Variants in BTN2A2 observed in about 807,000 individuals in gnomAD.
The protein encoded by BTN2A2 is butyrophilin 2.
In BTN2A2, 29 loss-of-function variants were observed where a neutral mutation model predicts 34.7. The observed-to-expected ratio is 0.84, with a 90% CI of 0.62 to 1.14. BTN2A2 has a LOEUF of 1.14. Among genes scored for constraint, BTN2A2 ranks in the 50% most tolerant of loss-of-function variants. The pLI, the probability that BTN2A2 is intolerant of heterozygous loss-of-function variation, is 0.00. For missense variants in BTN2A2, 612 were observed against 651.5 expected, an observed-to-expected ratio of 0.94 and a Z score of 0.66; for synonymous variants, 240 against 253.1, an observed-to-expected ratio of 0.95 and a Z score of 0.49.
chr6:26,385,353 G>A lies in BTN2A2; in HGVS notation c.433G>A (p.Val145Met), dbSNP rs774406277. ...RSYDEAILRL[V>M]VAGLGSKPLI... is the part of the protein sequence containing the mutation. ...CTACGATGAGGCCATCCTACGCCTC[G>A]TGGTGGCAGGTGCATCACTTCATTT... is the stretch of plus-strand genomic sequence containing the variant. The change falls in exon 3 of 8, where the codon GTG (valine) becomes ATG (methionine). Residue 145 changes from valine to methionine, a missense_variant. Physicochemically the swap from Val to Met is conservative, Grantham distance 21 (BLOSUM62 1). Transcript: ENST00000356709. 5 of 1,612,186 alleles carry A rather than the reference G, an allele frequency of 3.1e-6. No homozygotes were observed. Among genetic ancestry groups the A allele is most frequent in the African/African-American group, 1.3e-5 (1 of 74,978 alleles).
chr6:26,392,673 A>G lies in BTN2A2; in HGVS notation c.1278A>G (p.Gln426=), dbSNP rs1191263635. Residue 426 remains glutamine (Q), a synonymous_variant, in exon 8 of 8, where the codon CAA becomes CAG. Transcript: ENST00000356709. ...GGACCCTGGAGATGTTTGGAAACCA[A>G]TACCGGGCCCTGTCCTCCCCTGAGA... The part of the protein sequence containing the change: ...GFWTLEMFGN[Q]YRALSSPERI... The G allele has an allele frequency of 3.7e-6, 6 of 1,613,258 alleles. No individual in the cohort carries two copies. Among genetic ancestry groups the G allele is most frequent in the Admixed American group, 1.7e-5 (1 of 60,010 alleles).
chr6:26,384,156 T>C lies in BTN2A2; in HGVS notation c.94+241T>C, dbSNP rs1028438188. ...AACTTTTTATTTATTTGTTTATTTA[T>C]TTAAGAGAGAGTATATTGCTCTGTT... On this transcript the variant is annotated intron_variant, in intron 2 of 7. Transcript: ENST00000356709. This position sits in a 1 kb window ranked among gnomAD's most constrained non-coding sequence, Gnocchi z 4.0. 6.6e-6 allele frequency among the ~76,000 whole-genome samples: 1 copy of C among 152,214 alleles called. No homozygotes were observed. Among genetic ancestry groups the C allele is most frequent in the African/African-American group, 2.4e-5 (1 of 41,434 alleles).
chr6:26,393,513 A>T lies in BTN2A2; in HGVS notation c.*546A>T. On this transcript the variant is annotated 3_prime_UTR_variant, in exon 8 of 8. Transcript: ENST00000356709. The stretch of plus-strand genomic sequence containing the variant: ...CATAAGAGCTAAAGGGTCCTGGGAG[A>T]TGATGGCTCATTTCCACCCAACCCC... The T allele has an allele frequency of 9.8e-7, 1 of 1,017,636 alleles. No individual in the cohort carries two copies. 63.0% of individuals were successfully genotyped at this position (1,017,636 alleles called of 1,614,324 possible).
At position 26,383,685 on chromosome 6, in the gene BTN2A2, G is replaced by A. The variant is rs1178490934; in HGVS notation, c.-30-107G>A. ...AGCCTTGAGATGCAAGCGACTCCCAGAAGTTGGGGCACCGATGAGACCTAC... is the reference window on the plus strand; with the variant it reads ...AGCCTTGAGATGCAAGCGACTCCCAAAAGTTGGGGCACCGATGAGACCTAC... On this transcript the variant is annotated intron_variant, in intron 1 of 7. Transcript: ENST00000356709. The surrounding 1 kb of genome is among the most constrained non-coding windows in gnomAD (Gnocchi z 4.4). 1 of 807,632 alleles carries A rather than the reference G, an allele frequency of 1.2e-6. No individual in the cohort carries two copies. The highest frequency in any genetic ancestry group is 1.7e-5 in the African/African-American group (1 of 58,114). The allele number at this position is 807,632 out of a possible 1,614,324, so 50.0% of individuals were successfully genotyped here.
intron 4 of BTN2A2, among the ~76,000 whole-genome samples, chr6:26,389,609 T>G (rs1761440707): frequency 1.3e-5 from 2 of 152,140 alleles, no homozygotes; most frequent in Admixed American, 1.3e-4. Flanking sequence ...TTTGAGCAAA[T>G]AATTAACATG....
In BTN2A2 at chr6:26,393,366, A is replaced by T; in HGVS notation, c.*399A>T. 8.6e-7 allele frequency: 1 copy of T among 1,167,896 alleles called. No homozygotes were observed. The highest frequency in any genetic ancestry group is 1.1e-6 in the Non-Finnish European group (1 of 935,842). 72.3% of individuals were successfully genotyped at this position (1,167,896 alleles called of 1,614,324 possible). On this transcript the variant is annotated 3_prime_UTR_variant, in exon 8 of 8. Coordinates refer to ENST00000356709, the MANE Select transcript of BTN2A2 (RefSeq NM_006995.5). ...CCAACAGGGTTCACCAGGATGAGAG[A>T]GGAGAGAGGAATCCACAGGACCACC...
In BTN2A2 at chr6:26,393,380, C is replaced by T; in HGVS notation, c.*413C>T. 1.7e-6 allele frequency: 2 copies of T among 1,148,694 alleles called. No individual in the cohort carries two copies. Among genetic ancestry groups the T allele is most frequent in the Non-Finnish European group, 2.2e-6 (2 of 925,352 alleles). The allele number at this position is 1,148,694 out of a possible 1,614,324, so 71.2% of individuals were successfully genotyped here. A position where few individuals can be genotyped will look rare whatever the true frequency, so the allele number is the denominator to read the frequency against. On this transcript the variant is annotated 3_prime_UTR_variant, in exon 8 of 8. Transcript: ENST00000356709. ...CAGGATGAGAGAGGAGAGAGGAATC[C>T]ACAGGACCACCAGAAGGGAGAGGGA...
In BTN2A2 at chr6:26,385,331, C is replaced by T. The variant is rs552051206; in HGVS notation, c.411C>T (p.Tyr137=). ...GTTACTTCCAAGAAGGCAGGTCCTACGATGAGGCCATCCTACGCCTCGTGG... is the reference window on the plus strand; with the variant it reads ...GTTACTTCCAAGAAGGCAGGTCCTATGATGAGGCCATCCTACGCCTCGTGG... ...YRCYFQEGRS[Y]DEAILRLVVA... Residue 137 remains tyrosine (Y), a synonymous_variant, in exon 3 of 8, where the codon TAC becomes TAT. Coordinates refer to ENST00000356709, the MANE Select transcript of BTN2A2 (RefSeq NM_006995.5). The T allele has an allele frequency of 7.4e-5, 119 of 1,613,878 alleles. No homozygotes were observed. The highest frequency in any genetic ancestry group is 3.3e-4 in the Admixed American group (20 of 59,998).
intron 5 of BTN2A2, 43 bp downstream of exon 5, chr6:26,390,254 TC>T: frequency 6.3e-7 from 1 of 1,576,350 alleles, no homozygotes; most frequent in Non-Finnish European, 8.6e-7. Flanking sequence ...AGAAAGAAAT[TC>T]AAAAAGAAAA....
rs547184580 is a variant in BTN2A2, at chr6:26,393,058, T to G, written c.*91T>G. ...CCCCCTAATGAAAGACACGCCCTCC[T>G]CCCCTCTGGTCACGTAAGAGAACAT... On this transcript the variant is annotated 3_prime_UTR_variant, in exon 8 of 8. Transcript: ENST00000356709. 12 of 1,611,876 alleles carry G rather than the reference T, an allele frequency of 7.4e-6. No homozygotes were observed. Among genetic ancestry groups the G allele is most frequent in the Non-Finnish European group, 1.0e-5 (12 of 1,178,854 alleles).
chr6:26,388,185 C>T lies in BTN2A2; in HGVS notation c.615C>T (p.Phe205=). 2 of 1,614,214 alleles carry T rather than the reference C, an allele frequency of 1.2e-6. No homozygotes were observed. The highest frequency in any genetic ancestry group is 1.7e-6 in the Non-Finnish European group (2 of 1,180,042). ...EVSIADADGL[F]MVTTAVIIRD... ...CCATCGCTGATGCTGACGGCCTCTT[C>T]ATGGTCACCACAGCTGTGATCATCA... Residue 205 remains phenylalanine (F), a synonymous_variant, in exon 4 of 8, where the codon TTC becomes TTT. Transcript: ENST00000356709.
intron 7 of BTN2A2, 30 bp from the exon 8 acceptor site, chr6:26,392,345 C>T (rs1230737250): frequency 6.2e-7 from 1 of 1,613,994 alleles, no homozygotes; most frequent in African/African-American, 1.3e-5. Flanking sequence ...TCCTGAGACC[C>T]CAGGCATAAA....
Position 26,393,164 on chromosome 6 carries a change from C to T in BTN2A2, c.*197C>T, listed in dbSNP as rs186915774. The T allele has an allele frequency of 1.3e-3, 2,024 of 1,580,812 alleles. 3 individuals carry two copies. Among genetic ancestry groups the T allele is most frequent in the Non-Finnish European group, 1.6e-3 (1,910 of 1,165,374 alleles). ...TCACTAGTCTGTGGCTTTAGTAGTT[C>T]CTTTGCTTGTAATTATGGGATGGGA... On this transcript the variant is annotated 3_prime_UTR_variant, in exon 8 of 8. Transcript: ENST00000356709.
Position 26,392,431 on chromosome 6 carries a change from C to G in BTN2A2, c.1036C>G (p.Arg346Gly). Reference sequence around the variant, plus strand: ...TCCCGAGCTCTTCCTGTCAGAGGACCGGAGAAGTGTGAGGCGGGGCCCCTA... The same window carrying G: ...TCCCGAGCTCTTCCTGTCAGAGGACGGGAGAAGTGTGAGGCGGGGCCCCTA... ...AHPELFLSED[R>G]RSVRRGPYRQ... The change falls in exon 8 of 8, where the codon CGG becomes GGG. Residue 346 changes from arginine (R) to glycine (G), a missense_variant. By Grantham distance (125) the Arg-to-Gly change is moderately radical. Transcript: ENST00000356709. The G allele has an allele frequency of 4.3e-6, 7 of 1,614,204 alleles. No individual in the cohort carries two copies. The highest frequency in any genetic ancestry group is 1.6e-4 in the Middle Eastern group (1 of 6,062).
At chr6:26,388,490 G>A (rs1319713534) in intron 4 of BTN2A2, among the ~76,000 whole-genome samples, 196 bp downstream of exon 4, 1 of 152,110 alleles carries the variant, frequency 6.6e-6, no homozygotes, top group East Asian at 1.9e-4. Flanking sequence ...ACAAGAGTAG[G>A]AGCCTCTTCT....
At chr6:26,390,572 G>A (rs1000200032) in intron 5 of BTN2A2, 115 bp from the exon 6 acceptor site, 23 of 1,309,364 alleles carry the variant, frequency 1.8e-5, no homozygotes, top group African/African-American at 1.7e-4. Context: ...AGGCATAAAC[G>A]AAGGGTGATG....
rs1761342028 is a variant in BTN2A2 at position 26,388,282 on chromosome 6, A to G, written c.712A>G (p.Ile238Val). Residue 238 changes from isoleucine (I) to valine (V), a missense_variant, in exon 4 of 8, where the codon ATT becomes GTT. Transcript: ENST00000356709. The stretch of plus-strand genomic sequence containing the variant: ...GCTCGGCCAGGAGAAGGAAACTGTC[A>G]TTTTTATTCCAGGTTAGTTCTCTGC... ...TLLGQEKETV[I>V]FIPESFMPSA... 1.2e-6 allele frequency: 2 copies of G among 1,613,974 alleles called. No individual in the cohort carries two copies. The highest frequency in any genetic ancestry group is 2.2e-5 in the East Asian group (1 of 44,882).
rs1240128872 is a variant in BTN2A2 at position 26,390,148 on chromosome 6, CA to C, written c.871del (p.Arg291GlyfsTer59). On this transcript the variant is annotated frameshift_variant, in exon 5 of 8. Transcript: ENST00000356709. LOFTEE classifies it high-confidence loss of function. The stretch of plus-strand genomic sequence containing the variant: ...CAGCATCTGTTGCATCAAGAAACTT[CA>C]AAGGGAAAAAAAGATTCTGTCAGGG... ...AVSICCIKKL[Q>X]REKKILSGEK... The C allele has an allele frequency of 3.7e-6, 6 of 1,612,734 alleles. No homozygotes were observed. The Admixed American group carries it at 6.7e-5, about 18-fold the overall frequency.
At chr6:26,387,932 C>A in intron 3 of BTN2A2, 81 bp from the exon 4 acceptor site, 1 of 1,447,226 alleles carries the variant, frequency 6.9e-7, no homozygotes, top group South Asian at 1.4e-5. Flanking sequence ...AACCAAGGGT[C>A]TTTCTAGCAA....
Sources: gnomAD v4.1 joint callset for allele counts (sites outside exome capture counted in the v4.1 genomes callset) on GRCh38, gnomAD v4.1.1 for gene constraint, Gnocchi (gnomAD v3.1) non-coding constraint, MANE v1.5 for transcripts, NCBI Gene and HGNC (gene_info 2026-07-23, HGNC 2026-07-21) for gene names.